Variants in SIL1 observed in about 807,000 individuals in gnomAD.
SIL1 encodes SIL1 nucleotide exchange factor.
Under a neutral mutation model 49.1 loss-of-function variants are expected in SIL1, and 40 were observed. That is an observed-to-expected ratio of 0.81 (90% confidence interval 0.63 to 1.06). The LOEUF is 1.06. Ranked by LOEUF, SIL1 falls within the 50% of genes least tolerant of loss-of-function variation. SIL1 has a pLI of 0.00. For missense variants in SIL1, 500 were observed against 572.6 expected (o/e 0.87, Z 1.29); for synonymous variants, 253 against 250.8 (o/e 1.01, Z -0.08).
chr5:139,113,639 G>A (rs183791961), intron 3 of SIL1, among the ~76,000 whole-genome samples: 14 of 152,278 alleles, frequency 9.2e-5, no homozygotes, highest in African/African-American at 3.1e-4. Context: ...AATGCAACAG[G>A]TTCTGGGAAA....
At chr5:138,991,167 C>A (rs925126190) in intron 7 of SIL1, among the ~76,000 whole-genome samples, 1 of 152,216 alleles carries the variant, frequency 6.6e-6, no homozygotes, top group African/African-American at 2.4e-5. Context: ...TGTTTTCTGG[C>A]GTGTTGGCCA....
intron 1 of SIL1, among the ~76,000 whole-genome samples, chr5:139,188,573 T>C (rs1442863545): frequency 6.6e-6 from 1 of 152,208 alleles, no homozygotes; most frequent in Non-Finnish European, 1.5e-5. Context: ...ATGGAACCAG[T>C]TGTACATCTC....
chr5:139,056,420 A>C (rs532626327), intron 3 of SIL1, among the ~76,000 whole-genome samples: 1 of 148,594 alleles, frequency 6.7e-6, no homozygotes, highest in East Asian at 2.1e-4. Flanking sequence ...AGAAGTGAGG[A>C]GCCCCTCCGC....
At chr5:139,115,202 G>A (rs1348729283) in intron 3 of SIL1, among the ~76,000 whole-genome samples, 2 of 152,168 alleles carry the variant, frequency 1.3e-5, no homozygotes, top group Non-Finnish European at 2.9e-5. Context: ...CACACTGGGA[G>A]CTTTGCCCCC....
intron 7 of SIL1, among the ~76,000 whole-genome samples, chr5:138,985,906 G>A (rs1767641269): frequency 6.6e-6 from 1 of 152,192 alleles, no homozygotes; most frequent in Non-Finnish European, 1.5e-5. Flanking sequence ...GGCAAACCCT[G>A]CAATCTCCAG....
chr5:139,069,955 G>A (rs1337680591), intron 3 of SIL1, among the ~76,000 whole-genome samples: 1 of 152,066 alleles, frequency 6.6e-6, no homozygotes, highest in African/African-American at 2.4e-5. Context: ...AGAGATTACT[G>A]TTTCGATGGG....
At chr5:138,986,118 T>C (rs1238537017) in intron 7 of SIL1, among the ~76,000 whole-genome samples, 1 of 152,072 alleles carries the variant, frequency 6.6e-6, no homozygotes, top group African/African-American at 2.4e-5. Flanking sequence ...AAGCGTCCAT[T>C]CACTATAGCA....
At chr5:139,028,495 C>CACAAAACAAAACAAAACAAAACAAA (rs56269800) in intron 5 of SIL1, among the ~76,000 whole-genome samples, 1 of 149,184 alleles carries the variant, frequency 6.7e-6, no homozygotes, top group Non-Finnish European at 1.5e-5. Context: ...GAGACTCCAT[C>CACAAAACAAAACAAAACAAAACAAA]ACAAAACAAA....
chr5:139,159,750 T>C (rs972727134), intron 1 of SIL1, among the ~76,000 whole-genome samples: 1 of 152,244 alleles, frequency 6.6e-6, no homozygotes, highest in Admixed American at 6.5e-5. Context: ...CCCACAGCAG[T>C]ATATTAGTCC....
chr5:139,125,122 T>C (rs536452707), intron 2 of SIL1, among the ~76,000 whole-genome samples: 1 of 152,280 alleles, frequency 6.6e-6, no homozygotes, highest in African/African-American at 2.4e-5. Context: ...CAAGCACAAC[T>C]AGCCTCACTC....
chr5:139,011,201 A>G (rs1768260493), intron 7 of SIL1, among the ~76,000 whole-genome samples: 1 of 150,806 alleles, frequency 6.6e-6, no homozygotes, highest in African/African-American at 2.4e-5. Context: ...AAAGCGCAAT[A>G]TTCGGGTGGG....
intron 3 of SIL1, among the ~76,000 whole-genome samples, chr5:139,075,304 T>A (rs1162359181): frequency 2.0e-5 from 3 of 152,118 alleles, no homozygotes; most frequent in Admixed American, 1.3e-4. Context: ...AGCATGACAT[T>A]TTAAAAACTC....
chr5:139,141,881 C>T (rs1013631630), intron 1 of SIL1, among the ~76,000 whole-genome samples: 1 of 152,194 alleles, frequency 6.6e-6, no homozygotes, highest in African/African-American at 2.4e-5. Flanking sequence ...AGAACCTACT[C>T]CCTTATCAGC....
intron 7 of SIL1, among the ~76,000 whole-genome samples, chr5:139,012,136 C>T (rs1768289658): frequency 6.6e-6 from 1 of 152,140 alleles, no homozygotes; most frequent in Non-Finnish European, 1.5e-5. Flanking sequence ...TCACTGCAGC[C>T]TCAACTTCCA....
intron 7 of SIL1, among the ~76,000 whole-genome samples, chr5:139,013,113 A>T (rs1768321495): frequency 6.6e-6 from 1 of 152,178 alleles, no homozygotes; most frequent in Non-Finnish European, 1.5e-5. Flanking sequence ...GGTTTTCCAC[A>T]GTCTGGTCTT....
intron 3 of SIL1, among the ~76,000 whole-genome samples, chr5:139,099,393 A>T (rs561449602): frequency 6.6e-6 from 1 of 152,314 alleles, no homozygotes; most frequent in South Asian, 2.1e-4. Flanking sequence ...CTAAAAATAG[A>T]GCTACCATAT....
rs576958958 is a variant in SIL1 at position 138,994,643 on chromosome 5, C to A, written c.767+26528G>T. Among the ~76,000 whole-genome samples the A allele has an allele frequency of 8.3e-4, 127 of 152,148 alleles. 1 individual carries two copies. Among genetic ancestry groups the A allele is most frequent in the African/African-American group, 2.9e-3 (121 of 41,496 alleles). ...AGTAAAGCGCCAAAAATATCCAAGG[C>A]AATTTTTAAATTAATAAATAATAGA... On this transcript the variant is annotated intron_variant, in intron 7 of 9. Coordinates refer to ENST00000394817, the MANE Select transcript of SIL1 (RefSeq NM_022464.5).
chr5:138,970,494 T>C (rs1364264114), intron 7 of SIL1, among the ~76,000 whole-genome samples: 1 of 152,140 alleles, frequency 6.6e-6, no homozygotes, highest in African/African-American at 2.4e-5. Flanking sequence ...AATTCCTTCC[T>C]CATCTATGGA....
chr5:139,173,790 C>CAAAAAAAA (rs70982756), intron 1 of SIL1, among the ~76,000 whole-genome samples: 7 of 106,364 alleles, frequency 6.6e-5, no homozygotes, highest in African/African-American at 2.0e-4. Context: ...ACTAAAAATA[C>CAAAAAAAA]AAAAAAAAAA....
Sources: allele counts gnomAD v4.1 joint callset (sites outside exome capture counted in the v4.1 genomes callset), GRCh38; gene constraint gnomAD v4.1.1; transcripts MANE v1.5; gene names NCBI Gene and HGNC (gene_info 2026-07-23, HGNC 2026-07-21).